The following TSC22D1 variants were observed in gnomAD, a reference collection of about 807,000 sequenced individuals.
TSC22D1 encodes the protein TSC22 domain family member 1.
Under a neutral mutation model 74.2 loss-of-function variants are expected in TSC22D1, and 9 were observed. The ratio of observed to expected loss-of-function variants is 0.12; its 90% CI spans 0.07 to 0.21. The LOEUF is 0.21. TSC22D1 is among the 10% of genes least tolerant of loss of function. TSC22D1 has a pLI of 1.00. For missense variants in TSC22D1, 1,427 were observed against 1,304.7 expected (o/e 1.09, Z -1.44); for synonymous variants, 586 against 492.5 (o/e 1.19, Z -2.51).
At chr13:44,536,792 A>G (rs1386111528) in intron 1 of TSC22D1, 5 of 984,996 alleles carry the variant, frequency 5.1e-6, no homozygotes, top group East Asian at 2.3e-4. Flanking sequence ...AAAAAGTCCA[A>G]TTCTGGAAAC....
At chr13:44,470,416 T>C (rs149633137) in intron 1 of TSC22D1, among the ~76,000 whole-genome samples, 48 of 152,236 alleles carry the variant, frequency 3.2e-4, no homozygotes, top group African/African-American at 1.1e-3. Flanking sequence ...GAAAGGAAAA[T>C]AGATTCGCGT....
intron 2 of TSC22D1, chr13:44,435,112 T>G: frequency 2.2e-6 from 1 of 450,104 alleles, no homozygotes; most frequent in Admixed American, 4.2e-5. Flanking sequence ...CTGCAGACGT[T>G]GGCCAGAAAC....
At chr13:44,552,683 A>G (rs1342021138) in intron 1 of TSC22D1, among the ~76,000 whole-genome samples, 1 of 152,228 alleles carries the variant, frequency 6.6e-6, no homozygotes, top group Non-Finnish European at 1.5e-5. Context: ...TATGAATTGA[A>G]TACTAATAGA....
intron 1 of TSC22D1, among the ~76,000 whole-genome samples, chr13:44,486,334 G>C (rs934304111): frequency 4.6e-5 from 7 of 152,066 alleles, no homozygotes; most frequent in Non-Finnish European, 1.0e-4. Flanking sequence ...ATTAACCAAA[G>C]AAAGGTGGAA....
intron 1 of TSC22D1, among the ~76,000 whole-genome samples, chr13:44,488,059 A>G (rs993912702): frequency 6.6e-6 from 1 of 152,214 alleles, no homozygotes; most frequent in Non-Finnish European, 1.5e-5. Flanking sequence ...CTCTGTCTCA[A>G]AAGAAAAAAA....
rs1879331212 is a variant in TSC22D1 at position 44,504,112 on chromosome 13, CA to C, written c.2913-68018del. 2.1e-5 allele frequency among the ~76,000 whole-genome samples: 3 copies of C among 144,382 alleles called. No homozygotes were observed. The South Asian group carries it at 7.2e-4, about 35-fold the overall frequency. The allele number at this position is 144,382 out of a possible 152,430, so 94.7% of individuals were successfully genotyped here. A position where few individuals can be genotyped will look rare whatever the true frequency, so the allele number is the denominator to read the frequency against. On this transcript the variant is annotated intron_variant, in intron 1 of 2. Coordinates refer to ENST00000458659, the MANE Select transcript of TSC22D1 (RefSeq NM_183422.4). ...GCAAGTGCTTCTTTGTCAGACCCAT[CA>C]AAGCCCCTGTAAAATGTACAAATGA...
At chr13:44,477,141 C>T (rs1489574160) in intron 1 of TSC22D1, among the ~76,000 whole-genome samples, 7 of 151,608 alleles carry the variant, frequency 4.6e-5, no homozygotes, top group African/African-American at 1.5e-4. Flanking sequence ...TTAGTAGAGA[C>T]GGGGTTTCAC....
chr13:44,464,458 C>A (rs1877158276), intron 1 of TSC22D1, among the ~76,000 whole-genome samples: 1 of 152,088 alleles, frequency 6.6e-6, no homozygotes, highest in African/African-American at 2.4e-5. Context: ...AGACTTTAAT[C>A]AAATTTGTCT....
chr13:44,511,619 T>TACAC (rs66743224), intron 1 of TSC22D1, among the ~76,000 whole-genome samples: 22,739 of 148,028 alleles, frequency 0.15, 1,707 homozygotes, highest in African/African-American at 0.16. Flanking sequence ...TAAAAAGAAA[T>TACAC]ACACACACAC....
intron 1 of TSC22D1, among the ~76,000 whole-genome samples, chr13:44,564,876 TATATTTTAAA>T (rs1883268525): frequency 6.6e-6 from 1 of 152,066 alleles, no homozygotes; most frequent in Non-Finnish European, 1.5e-5. Flanking sequence ...AAGATGAAGA[TATATTTTAAA>T]GTAATGATCA....
At chr13:44,551,389 G>GGTGTGTGTGTGTGT (rs376368576) in intron 1 of TSC22D1, among the ~76,000 whole-genome samples, 3 of 125,252 alleles carry the variant, frequency 2.4e-5, no homozygotes, top group African/African-American at 6.2e-5. Context: ...CAATCAGATG[G>GGTGTGTGTGTGTGT]GTGTGTGTGT....
chr13:44,519,740 G>A (rs935771934), intron 1 of TSC22D1, among the ~76,000 whole-genome samples: 8 of 152,106 alleles, frequency 5.3e-5, no homozygotes, highest in Admixed American at 3.3e-4. Flanking sequence ...ATTAGCATAA[G>A]GTTATATACA....
At position 44,575,283 on chromosome 13, in the gene TSC22D1, T is replaced by A; in HGVS notation, c.792A>T (p.Thr264=). The change falls in exon 1 of 3, where the codon ACA becomes ACT. Residue 264 remains threonine, a synonymous_variant. Coordinates refer to ENST00000458659, the MANE Select transcript of TSC22D1 (RefSeq NM_183422.4). The stretch of plus-strand genomic sequence containing the variant: ...GTGTGATACTGTCAGAGCTTCCAGT[T>A]GTAGAGAGTTTTCTAGATACTGGGC... The part of the protein sequence containing the change: ...PSSPVSRKLS[T]TGSSDSITPV... 6.2e-7 allele frequency: 1 copy of A among 1,614,050 alleles called. No homozygotes were observed. Among genetic ancestry groups the A allele is most frequent in the African/African-American group, 1.3e-5 (1 of 74,988 alleles).
intron 1 of TSC22D1, among the ~76,000 whole-genome samples, chr13:44,486,082 G>A (rs1755398678): frequency 6.6e-6 from 1 of 151,756 alleles, no homozygotes; most frequent in East Asian, 1.9e-4. Flanking sequence ...AAAAAAATAA[G>A]GCAAGAATGG....
At chr13:44,436,630 C>T (rs1365391441) in intron 1 of TSC22D1, 1 of 1,603,984 alleles carries the variant, frequency 6.2e-7, no homozygotes, top group African/African-American at 1.3e-5. Flanking sequence ...GGATTTCATG[C>T]AATTGCAGCC....
intron 1 of TSC22D1, among the ~76,000 whole-genome samples, chr13:44,569,930 A>G (rs889373633): frequency 7.2e-5 from 11 of 152,200 alleles, no homozygotes; most frequent in African/African-American, 2.7e-4. Context: ...ATTGGTAAAC[A>G]TAATTATAAT....
intron 1 of TSC22D1, among the ~76,000 whole-genome samples, chr13:44,506,707 A>G (rs1879464397): frequency 6.6e-6 from 1 of 152,358 alleles, no homozygotes; most frequent in Non-Finnish European, 1.5e-5. Context: ...TTCTACCACT[A>G]AAGATTTCTG....
chr13:44,459,821 C>G (rs1876900377), intron 1 of TSC22D1, among the ~76,000 whole-genome samples: 1 of 152,236 alleles, frequency 6.6e-6, no homozygotes, highest in African/African-American at 2.4e-5. Flanking sequence ...TACCCCGCTG[C>G]AGCCAGCACA....
At chr13:44,507,178 G>GT (rs1229615142) in intron 1 of TSC22D1, among the ~76,000 whole-genome samples, 1 of 152,212 alleles carries the variant, frequency 6.6e-6, no homozygotes, top group African/African-American at 2.4e-5. Context: ...TGCTTCAGGA[G>GT]TAAGTAGACA....
Sources: allele counts gnomAD v4.1 joint callset (sites outside exome capture counted in the v4.1 genomes callset), GRCh38; gene constraint gnomAD v4.1.1; transcripts MANE v1.5; gene names NCBI Gene and HGNC (gene_info 2026-07-23, HGNC 2026-07-21).